GPC3: variants seen among roughly 807,000 people sequenced by gnomAD.
GPC3 encodes glypican 3.
GPC3 carries 3 observed loss-of-function variants against 34.4 expected under a neutral mutation model. That is an observed-to-expected ratio of 0.09 (90% CI 0.04 to 0.23). The LOEUF is 0.23. Among genes scored for constraint, GPC3 ranks in the 10% least tolerant of loss-of-function variants. The pLI, the probability that GPC3 is intolerant of heterozygous loss-of-function variation, is 1.00. For missense variants in GPC3, 351 were observed against 445.6 expected, an observed-to-expected ratio of 0.79 and a Z score of 1.91; for synonymous variants, 177 against 174.0, an observed-to-expected ratio of 1.02 and a Z score of -0.13.
chrX:133,575,405 C>A (rs960762804), intron 7 of GPC3, among the ~76,000 whole-genome samples: 41 of 112,207 alleles, frequency 3.7e-4, no homozygotes, highest in Admixed American at 6.6e-4. Context: ...GAATGAGATT[C>A]ACTCCAACAT....
chrX:133,757,037 C>T (rs2071731934), intron 2 of GPC3, among the ~76,000 whole-genome samples: 1 of 112,529 alleles, frequency 8.9e-6, no homozygotes, highest in Non-Finnish European at 1.9e-5. Flanking sequence ...TAATAAGGTA[C>T]ACTTCAACTA....
At chrX:133,574,770 A>T (rs1484060566) in intron 7 of GPC3, among the ~76,000 whole-genome samples, 1 of 111,801 alleles carries the variant, frequency 8.9e-6, no homozygotes, top group East Asian at 2.8e-4. Context: ...CATCCCACAC[A>T]CTCCATCTGC....
At chrX:133,972,695 A>G (rs1050602427) in intron 1 of GPC3, among the ~76,000 whole-genome samples, 7 of 112,413 alleles carry the variant, frequency 6.2e-5, no homozygotes, top group African/African-American at 2.3e-4. Context: ...AGACAGAGGT[A>G]GACTTGCAAG....
chrX:133,909,386 C>A (rs1242811058), intron 2 of GPC3, among the ~76,000 whole-genome samples: 3 of 111,948 alleles, frequency 2.7e-5, no homozygotes, highest in Non-Finnish European at 5.6e-5. Flanking sequence ...TCTGATTCAG[C>A]CATCATGATG....
intron 5 of GPC3, among the ~76,000 whole-genome samples, chrX:133,680,869 G>A (rs890548102): frequency 6.3e-5 from 7 of 111,728 alleles, no homozygotes; most frequent in Non-Finnish European, 1.3e-4. Flanking sequence ...CCAGCCTAGC[G>A]CACACCCTTA....
chrX:133,557,578 TG>T (rs1357992098), intron 7 of GPC3, among the ~76,000 whole-genome samples: 2 of 112,407 alleles, frequency 1.8e-5, no homozygotes, highest in Non-Finnish European at 3.8e-5. Flanking sequence ...CTATGGTGCT[TG>T]GTTGAACCCA....
At chrX:133,678,118 G>A (rs1403036619) in intron 5 of GPC3, among the ~76,000 whole-genome samples, 1 of 111,757 alleles carries the variant, frequency 8.9e-6, no homozygotes, top group Non-Finnish European at 1.9e-5. Flanking sequence ...GTCATCAGTA[G>A]AATCAGTAAA....
At chrX:133,783,384 C>T (rs931096977) in intron 2 of GPC3, among the ~76,000 whole-genome samples, 8 of 111,913 alleles carry the variant, frequency 7.1e-5, no homozygotes, top group Non-Finnish European at 1.3e-4. Context: ...TATCCTCGGG[C>T]AAATGACCTT....
chrX:133,588,519 T>A (rs954097079), intron 7 of GPC3, among the ~76,000 whole-genome samples: 2 of 111,176 alleles, frequency 1.8e-5, no homozygotes, highest in African/African-American at 6.5e-5. Context: ...AAAAGGCCTA[T>A]CATAAATTTC....
intron 6 of GPC3, among the ~76,000 whole-genome samples, chrX:133,625,221 G>C (rs750635323): frequency 3.6e-5 from 4 of 111,616 alleles, no homozygotes; most frequent in South Asian, 3.8e-4. Context: ...ACTGAATGGG[G>C]AAAAACTGGA....
chrX:133,920,184 G>T (rs1003283908), intron 2 of GPC3, among the ~76,000 whole-genome samples: 2 of 108,638 alleles, frequency 1.8e-5, no homozygotes, highest in Non-Finnish European at 3.8e-5. Context: ...GAAAAAGAAA[G>T]AAACTGAAAT....
chrX:133,979,885 C>A (rs766745324), intron 1 of GPC3, among the ~76,000 whole-genome samples: 1 of 111,630 alleles, frequency 9.0e-6, no homozygotes, highest in East Asian at 2.8e-4. Context: ...AAACATCTAA[C>A]CCATTTACAA....
chrX:133,806,566 A>T (rs1427465724), intron 2 of GPC3, among the ~76,000 whole-genome samples: 1 of 112,122 alleles, frequency 8.9e-6, no homozygotes, highest in Non-Finnish European at 1.9e-5. Flanking sequence ...AAAAAACAAG[A>T]TAATAGGCAA....
Position 133,883,247 on chromosome X carries a change from A to G in GPC3, c.337+69803T>C, listed in dbSNP as rs768146863. Among the ~76,000 whole-genome samples, 534 of 111,667 alleles carry G rather than the reference A, an allele frequency of 4.8e-3. 4 individuals carry two copies. The highest frequency in any genetic ancestry group is 7.4e-3 in the Non-Finnish European group (395 of 53,165). ...TTCTGCTTCTATTGCTTTCCAATACAAGTACAGCAGAAGGTTAGAGGTATT... is the reference window on the plus strand; with the variant it reads ...TTCTGCTTCTATTGCTTTCCAATACGAGTACAGCAGAAGGTTAGAGGTATT... On this transcript the variant is annotated intron_variant, in intron 2 of 7. Transcript: ENST00000370818.
chrX:133,969,555 C>G (rs747524915), intron 1 of GPC3, among the ~76,000 whole-genome samples: 5 of 111,239 alleles, frequency 4.5e-5, no homozygotes, highest in African/African-American at 1.6e-4. Context: ...ACTGAATACC[C>G]TAAAATATTT....
chrX:133,975,855 C>G (rs2076512422), intron 1 of GPC3, among the ~76,000 whole-genome samples: 1 of 112,225 alleles, frequency 8.9e-6, no homozygotes, highest in South Asian at 3.7e-4. Flanking sequence ...TTTTCCAAAA[C>G]AGATAACTGT....
At chrX:133,911,746 TC>T (rs1427894115) in intron 2 of GPC3, among the ~76,000 whole-genome samples, 5 of 111,692 alleles carry the variant, frequency 4.5e-5, no homozygotes, top group Admixed American at 1.9e-4. Flanking sequence ...ATGGTAGATT[TC>T]CGCTTTAAAA....
At chrX:133,738,256 A>G (rs1048633781) in intron 3 of GPC3, among the ~76,000 whole-genome samples, 5 of 111,983 alleles carry the variant, frequency 4.5e-5, no homozygotes, top group Non-Finnish European at 7.5e-5. Flanking sequence ...GAGCCATTGC[A>G]CCAGGCCTGT....
intron 5 of GPC3, among the ~76,000 whole-genome samples, chrX:133,684,807 G>C (rs764744483): frequency 2.5e-4 from 28 of 110,654 alleles, no homozygotes; most frequent in Non-Finnish European, 4.5e-4. Flanking sequence ...CCACTGGCCT[G>C]TTCTGACATG....
Sources: allele counts gnomAD v4.1 joint callset (sites outside exome capture counted in the v4.1 genomes callset), GRCh38; gene constraint gnomAD v4.1.1; transcripts MANE v1.5; gene names NCBI Gene and HGNC (gene_info 2026-07-23, HGNC 2026-07-21).